SDK1: variants seen among roughly 807,000 people sequenced by gnomAD.
SDK1 encodes sidekick cell adhesion molecule 1.
SDK1 carries 157 observed loss-of-function variants against 245.5 expected under a neutral mutation model. The ratio of observed to expected loss-of-function variants is 0.64; its 90% CI spans 0.56 to 0.73. The LOEUF is 0.73. Ranked by LOEUF, SDK1 falls within the 30% of genes least tolerant of loss-of-function variation. The probability of loss-of-function intolerance (pLI) is 0.00; values close to 1 mark genes in which losing one functional copy is unlikely to be tolerated. For synonymous variants in SDK1, 1,647 were observed against 1,278.5 expected, an observed-to-expected ratio of 1.29 and a Z score of -6.15; for missense variants, 3,583 against 3,002.3, an observed-to-expected ratio of 1.19 and a Z score of -4.52.
chr7:3,595,769 A>G lies in SDK1; in HGVS notation c.299-23311A>G, dbSNP rs111348816. ...CATGAACCCGGGAGGCGGAGCTTGC[A>G]GTGAGCCCAGATAGTGCCACTGCAC... On this transcript the variant is annotated intron_variant, in intron 1 of 44. Transcript: ENST00000404826. 1.3e-4 allele frequency among the ~76,000 whole-genome samples: 17 copies of G among 132,818 alleles called. 1 individual carries two copies. Among genetic ancestry groups the G allele is most frequent in the South Asian group, 5.6e-4 (2 of 3,572 alleles). 87.1% of individuals were successfully genotyped at this position (132,818 alleles called of 152,430 possible).
intron 1 of SDK1, among the ~76,000 whole-genome samples, chr7:3,539,334 C>G (rs528793088): frequency 6.6e-6 from 1 of 152,224 alleles, no homozygotes; most frequent in South Asian, 2.1e-4. Context: ...TCCTTCACAA[C>G]TAGATAGATA....
intron 4 of SDK1, among the ~76,000 whole-genome samples, chr7:3,795,955 G>A (rs1272520030): frequency 6.6e-6 from 1 of 152,180 alleles, no homozygotes; most frequent in East Asian, 1.9e-4. Flanking sequence ...TGCACACACA[G>A]ACATCATGAG....
chr7:3,668,418 C>T (rs2614947), intron 4 of SDK1, among the ~76,000 whole-genome samples: 50,138 of 152,046 alleles, frequency 0.33, 8,463 homozygotes, highest in East Asian at 0.38. Flanking sequence ...GCATGGACTT[C>T]CTTCAAAGAT....
chr7:3,439,358 G>T (rs754352139), intron 1 of SDK1, among the ~76,000 whole-genome samples: 1 of 152,170 alleles, frequency 6.6e-6, no homozygotes, highest in Non-Finnish European at 1.5e-5. Flanking sequence ...TGAGTAGCAT[G>T]CAAGCTCCGG....
chr7:3,868,032 T>C (rs1313216171), intron 5 of SDK1, among the ~76,000 whole-genome samples: 2 of 152,196 alleles, frequency 1.3e-5, no homozygotes, highest in Non-Finnish European at 2.9e-5. Flanking sequence ...GAGTCATTTT[T>C]GTTTGAATGT....
intron 29 of SDK1, among the ~76,000 whole-genome samples, chr7:4,147,730 CT>C (rs1281939186): frequency 6.6e-5 from 10 of 152,234 alleles, no homozygotes; most frequent in Non-Finnish European, 1.3e-4. Context: ...AGGAGCGCCC[CT>C]ATCCCCCTGC....
intron 1 of SDK1, among the ~76,000 whole-genome samples, chr7:3,536,704 AC>A (rs1416779307): frequency 2.2e-4 from 34 of 152,094 alleles, no homozygotes; most frequent in African/African-American, 7.7e-4. Context: ...AAAAAAAAAA[AC>A]AAAAACAAAA....
intron 5 of SDK1, among the ~76,000 whole-genome samples, chr7:3,847,810 A>C (rs1375731555): frequency 2.0e-5 from 3 of 152,238 alleles, no homozygotes; most frequent in Non-Finnish European, 4.4e-5. Flanking sequence ...AGCAACTAGA[A>C]TATCCCTTAG....
chr7:3,313,411 T>C (rs1305345612), intron 1 of SDK1, among the ~76,000 whole-genome samples: 1 of 151,974 alleles, frequency 6.6e-6, no homozygotes, highest in Non-Finnish European at 1.5e-5. Flanking sequence ...ATCTCAAAAG[T>C]AAGTGAAATA....
intron 4 of SDK1, among the ~76,000 whole-genome samples, chr7:3,768,841 C>G (rs1014794891): frequency 6.6e-6 from 1 of 152,188 alleles, no homozygotes; most frequent in African/African-American, 2.4e-5. Flanking sequence ...TTGTCATTTT[C>G]CATTCAGTTT....
intron 4 of SDK1, among the ~76,000 whole-genome samples, chr7:3,728,499 A>G (rs188614900): frequency 5.3e-5 from 8 of 152,368 alleles, no homozygotes; most frequent in Admixed American, 4.6e-4. Context: ...ACACATGAAT[A>G]AATCCCCAAA....
At chr7:4,189,163 C>T (rs747483379) in intron 35 of SDK1, among the ~76,000 whole-genome samples, 2 of 152,140 alleles carry the variant, frequency 1.3e-5, no homozygotes, top group East Asian at 3.9e-4. Flanking sequence ...TGCTTGCTCC[C>T]GGGAGCTGGC....
At position 3,316,400 on chromosome 7, in the gene SDK1, A is replaced by G. The variant is rs78957051; in HGVS notation, c.298+14516A>G. Among the ~76,000 whole-genome samples, 791 of 152,292 alleles carry G rather than the reference A, an allele frequency of 5.2e-3. 9 individuals carry two copies. The highest frequency in any genetic ancestry group is 0.017 in the African/African-American group (722 of 41,558). On this transcript the variant is annotated intron_variant, in intron 1 of 44. Transcript: ENST00000404826. Reference sequence around the variant, plus strand: ...CTGGGAGCAATAGGCTATATATCATATAACCTAGGTGTGTAGGAGGCCATA... The same window carrying G: ...CTGGGAGCAATAGGCTATATATCATGTAACCTAGGTGTGTAGGAGGCCATA...
At chr7:3,372,100 A>G (rs1464321372) in intron 1 of SDK1, among the ~76,000 whole-genome samples, 1 of 152,180 alleles carries the variant, frequency 6.6e-6, no homozygotes, top group Non-Finnish European at 1.5e-5. Flanking sequence ...TTTATGTTCC[A>G]TTCACCCCTT....
chr7:3,736,456 G>C (rs534708060), intron 4 of SDK1, among the ~76,000 whole-genome samples: 37 of 152,134 alleles, frequency 2.4e-4, no homozygotes, highest in Non-Finnish European at 5.1e-4. Flanking sequence ...TCTATTTTTA[G>C]TAGAGATGGG....
intron 1 of SDK1, among the ~76,000 whole-genome samples, chr7:3,565,740 G>A (rs1779893049): frequency 6.6e-6 from 1 of 152,114 alleles, no homozygotes; most frequent in African/African-American, 2.4e-5. Flanking sequence ...TCACATCTAG[G>A]TAACTTATAC....
chr7:3,548,634 T>C (rs527437864), intron 1 of SDK1, among the ~76,000 whole-genome samples: 1 of 152,348 alleles, frequency 6.6e-6, no homozygotes, highest in South Asian at 2.1e-4. Flanking sequence ...CCCAGGCTTT[T>C]GAAATAAACT....
chr7:3,969,465 G>T (rs200615811), intron 11 of SDK1, 41 bp downstream of exon 11: 1 of 1,460,538 alleles, frequency 6.8e-7, no homozygotes, highest in Non-Finnish European at 9.2e-7. Context: ...TGTTAGCCAC[G>T]GTTTAATCAT....
chr7:4,005,207 G>A (rs1785378375), intron 14 of SDK1, among the ~76,000 whole-genome samples: 1 of 151,532 alleles, frequency 6.6e-6, no homozygotes, highest in South Asian at 2.1e-4. Context: ...CACCACGCCT[G>A]GCTAATTTTT....
Sources: allele counts gnomAD v4.1 joint callset (sites outside exome capture counted in the v4.1 genomes callset), GRCh38; gene constraint gnomAD v4.1.1; transcripts MANE v1.5; gene names NCBI Gene and HGNC (gene_info 2026-07-23, HGNC 2026-07-21).